TRPS1: variants seen among roughly 807,000 people sequenced by gnomAD.
TRPS1 encodes zinc finger transcription factor Trps1.
A neutral mutation model predicts 101.2 loss-of-function variants in TRPS1; 6 were observed. That is an observed-to-expected ratio of 0.06 (90% CI 0.03 to 0.12). The LOEUF (loss-of-function observed/expected upper bound fraction) is 0.12. TRPS1 is among the 10% of genes least tolerant of loss of function. TRPS1 has a pLI of 1.00. For missense variants in TRPS1, 1,363 were observed against 1,567.0 expected (o/e 0.87, Z 2.20); for synonymous variants, 578 against 589.8 (o/e 0.98, Z 0.29).
intron 5 of TRPS1, among the ~76,000 whole-genome samples, chr8:115,507,460 AT>A (rs1367668589): frequency 6.6e-6 from 1 of 151,928 alleles, no homozygotes; most frequent in Admixed American, 6.6e-5. Flanking sequence ...GATTCTGGTC[AT>A]TATATGGGCT....
chr8:115,470,449 C>A (rs995624039), intron 5 of TRPS1, among the ~76,000 whole-genome samples: 2 of 152,094 alleles, frequency 1.3e-5, no homozygotes, highest in Non-Finnish European at 2.9e-5. Context: ...CATAAAAGAT[C>A]ATTGCCTATC....
chr8:115,495,542 T>C (rs1388872580), intron 5 of TRPS1, among the ~76,000 whole-genome samples: 1 of 151,180 alleles, frequency 6.6e-6, no homozygotes, highest in Non-Finnish European at 1.5e-5. Context: ...GAATCCTTTT[T>C]CCTATTCCTA....
Position 115,623,762 on chromosome 8 carries a change from CAAAACAAAGCAAAAGA to C in TRPS1, c.-121-20_-121-5del. The C allele has an allele frequency of 1.4e-6, 2 of 1,452,668 alleles. No homozygotes were observed. The highest frequency in any genetic ancestry group is 9.1e-7 in the Non-Finnish European group (1 of 1,104,568). 90.0% of individuals were successfully genotyped at this position (1,452,668 alleles called of 1,614,324 possible). The stretch of plus-strand genomic sequence containing the variant: ...TTTTGAGAGCTGATCTGTACATCTG[CAAAACAAAGCAAAAGA>C]AAAATTTTCCTTCCTAAATGATGTA... On this transcript the variant is annotated splice_polypyrimidine_tract_variant and splice_region_variant and intron_variant, in intron 1 of 6. Transcript: ENST00000395715.
intron 5 of TRPS1, among the ~76,000 whole-genome samples, chr8:115,512,425 A>C (rs989276601): frequency 6.6e-6 from 1 of 151,702 alleles, no homozygotes; most frequent in Non-Finnish European, 1.5e-5. Context: ...CCCTATCATA[A>C]AGAGAAGAAA....
At chr8:115,525,710 T>C (rs924082021) in intron 5 of TRPS1, among the ~76,000 whole-genome samples, 1 of 152,198 alleles carries the variant, frequency 6.6e-6, no homozygotes. Flanking sequence ...TTATATTGTC[T>C]TCACAGCTAT....
chr8:115,585,631 A>G (rs950155330), intron 5 of TRPS1, among the ~76,000 whole-genome samples: 7 of 152,204 alleles, frequency 4.6e-5, no homozygotes, highest in Middle Eastern at 3.2e-3. Flanking sequence ...AATATTGACA[A>G]TGATAAAAAT....
intron 1 of TRPS1, among the ~76,000 whole-genome samples, chr8:115,637,563 T>C (rs1253605653): frequency 6.6e-6 from 1 of 152,216 alleles, no homozygotes; most frequent in African/African-American, 2.4e-5. Context: ...TTTTCCAGAA[T>C]TTATGTGCTA....
chr8:115,640,340 T>C (rs1586485123), intron 1 of TRPS1, among the ~76,000 whole-genome samples: 1 of 152,318 alleles, frequency 6.6e-6, no homozygotes, highest in Non-Finnish European at 1.5e-5. Flanking sequence ...AATTTGATAA[T>C]GATTATCTTT....
intron 5 of TRPS1, among the ~76,000 whole-genome samples, chr8:115,580,243 AAAATAT>A (rs1380280975): frequency 1.4e-5 from 2 of 139,002 alleles, no homozygotes; most frequent in Non-Finnish European, 3.1e-5. Context: ...AGAAAAAAAA[AAAATAT>A]ATATATATAT....
chr8:115,444,032 C>T (rs1813670670), intron 5 of TRPS1, among the ~76,000 whole-genome samples: 2 of 152,172 alleles, frequency 1.3e-5, no homozygotes, highest in African/African-American at 2.4e-5. Context: ...TAGAGAAAAG[C>T]AACCTAGGGC....
chr8:115,621,646 G>C (rs2130538312), intron 2 of TRPS1, among the ~76,000 whole-genome samples: 1 of 152,260 alleles, frequency 6.6e-6, no homozygotes, highest in South Asian at 2.1e-4. Flanking sequence ...CAAGCACAGG[G>C]GCTCACGCCT....
chr8:115,561,730 T>TGCATGCAAGAA (rs1272235947), intron 5 of TRPS1, among the ~76,000 whole-genome samples: 1 of 151,862 alleles, frequency 6.6e-6, no homozygotes, highest in Non-Finnish European at 1.5e-5. Context: ...CAGCTACGAA[T>TGCATGCAAGAA]GCATGCAAGA....
chr8:115,455,366 T>C (rs1049216437), intron 5 of TRPS1, among the ~76,000 whole-genome samples: 1 of 152,236 alleles, frequency 6.6e-6, no homozygotes, highest in African/African-American at 2.4e-5. Context: ...TACCTAATAA[T>C]GGAAGCTATA....
chr8:115,572,349 T>C (rs1334018233), intron 5 of TRPS1, among the ~76,000 whole-genome samples: 2 of 152,158 alleles, frequency 1.3e-5, no homozygotes, highest in African/African-American at 4.8e-5. Flanking sequence ...AAATACCACT[T>C]TTCAAGAACC....
chr8:115,483,092 G>C (rs1308444272), intron 5 of TRPS1, among the ~76,000 whole-genome samples: 3 of 152,042 alleles, frequency 2.0e-5, no homozygotes, highest in African/African-American at 7.2e-5. Flanking sequence ...CATGTTTCCA[G>C]AACCTAACTG....
At chr8:115,468,787 C>T (rs1364304988) in intron 5 of TRPS1, among the ~76,000 whole-genome samples, 1 of 152,140 alleles carries the variant, frequency 6.6e-6, no homozygotes, top group East Asian at 1.9e-4. Context: ...AGCTACAGAA[C>T]TCATAATACA....
At chr8:115,489,286 C>G (rs181771219) in intron 5 of TRPS1, among the ~76,000 whole-genome samples, 1 of 152,108 alleles carries the variant, frequency 6.6e-6, no homozygotes, top group Non-Finnish European at 1.5e-5. Context: ...CCAGTTACTC[C>G]CATTATACCA....
intron 5 of TRPS1, among the ~76,000 whole-genome samples, chr8:115,464,622 A>G (rs1586300360): frequency 6.6e-6 from 1 of 152,116 alleles, no homozygotes; most frequent in Admixed American, 6.6e-5. Context: ...ACTGAATAAA[A>G]TGTTGAAACA....
intron 5 of TRPS1, among the ~76,000 whole-genome samples, chr8:115,462,912 A>C (rs1012671044): frequency 1.6e-4 from 25 of 152,138 alleles, no homozygotes; most frequent in Non-Finnish European, 1.5e-5. Context: ...AAAAAGGCAT[A>C]CATTAAACTC....
Sources: gnomAD v4.1 joint callset for allele counts (sites outside exome capture counted in the v4.1 genomes callset) on GRCh38, gnomAD v4.1.1 for gene constraint, MANE v1.5 for transcripts, NCBI Gene and HGNC (gene_info 2026-07-23, HGNC 2026-07-21) for gene names.